Variants in TENM3 observed in about 807,000 individuals in gnomAD.
The protein encoded by TENM3 is teneurin-3.
In TENM3, 63 loss-of-function variants were observed where a neutral mutation model predicts 255.1. That is an observed-to-expected ratio of 0.25 (90% CI 0.20 to 0.30). TENM3 has a LOEUF of 0.30. TENM3 is among the 10% of genes least tolerant of loss of function. TENM3 has a pLI of 1.00. For synonymous variants in TENM3, 1,306 were observed against 1,322.3 expected, an observed-to-expected ratio of 0.99 and a Z score of 0.27; for missense variants, 2,929 against 3,461.1, an observed-to-expected ratio of 0.85 and a Z score of 3.86.
the TENM3 span, among the ~76,000 whole-genome samples, chr4:181,657,203 GA>G: frequency 6.6e-6 from 1 of 152,122 alleles, no homozygotes. Flanking sequence ...GTTGCACCAG[GA>G]AAAAATAATT....
chr4:182,547,301 A>G lies in TENM3; in HGVS notation c.512-53623A>G, dbSNP rs144332295. ...TGTTTTATAGATTTATTTCTAAACT[A>G]TATTATGGTTACTTTTCTCGTGCTT... On this transcript the variant is annotated intron_variant, in intron 3 of 27. Coordinates refer to ENST00000511685, the MANE Select transcript of TENM3 (RefSeq NM_001080477.4). Among the ~76,000 whole-genome samples the G allele has an allele frequency of 5.3e-3, 806 of 152,274 alleles. 11 individuals are homozygous for G. The highest frequency in any genetic ancestry group is 0.019 in the African/African-American group (769 of 41,544).
chr4:182,523,305 T>C (rs888070425), intron 3 of TENM3, among the ~76,000 whole-genome samples: 2 of 152,170 alleles, frequency 1.3e-5, no homozygotes, highest in South Asian at 2.1e-4. Context: ...GAGAATGCTG[T>C]TGCCACCAAG....
chr4:181,905,816 A>T, the TENM3 span: 1 of 377,558 alleles, frequency 2.6e-6, no homozygotes, highest in Non-Finnish European at 5.0e-6. Context: ...GGTCATCATC[A>T]GTCTATTCTT....
the TENM3 span, among the ~76,000 whole-genome samples, chr4:182,101,854 T>C: frequency 6.6e-6 from 1 of 152,234 alleles, no homozygotes; most frequent in East Asian, 1.9e-4. Context: ...TTCCACAATG[T>C]ATTCATATAT....
At chr4:182,796,089 G>A (rs962411486) in intron 26 of TENM3, among the ~76,000 whole-genome samples, 1 of 152,196 alleles carries the variant, frequency 6.6e-6, no homozygotes, top group Non-Finnish European at 1.5e-5. Flanking sequence ...CAGGACTTCT[G>A]GGCCCTTGGC....
At chr4:182,419,207 T>C (rs1561427227) in intron 3 of TENM3, among the ~76,000 whole-genome samples, 1 of 152,172 alleles carries the variant, frequency 6.6e-6, no homozygotes, top group Non-Finnish European at 1.5e-5. Flanking sequence ...GTAAAAGAAA[T>C]ACTGTTATTT....
chr4:181,842,718 T>G, the TENM3 span, among the ~76,000 whole-genome samples: 1 of 152,184 alleles, frequency 6.6e-6, no homozygotes, highest in Non-Finnish European at 1.5e-5. Flanking sequence ...ATCATGGTAT[T>G]AAGTATGCTT....
intron 22 of TENM3, among the ~76,000 whole-genome samples, chr4:182,768,671 C>T (rs540969772): frequency 2.0e-4 from 30 of 152,200 alleles, no homozygotes; most frequent in Non-Finnish European, 3.4e-4. Context: ...AGGCATTTGT[C>T]GATAATCCCA....
the TENM3 span, among the ~76,000 whole-genome samples, chr4:181,899,583 T>C: frequency 7.4e-3 from 1,124 of 152,228 alleles, 8 homozygotes; most frequent in African/African-American, 0.025. Context: ...TTGGGGTTTT[T>C]TTTGAGACAG....
At chr4:182,715,738 C>G (rs1055646565) in intron 13 of TENM3, among the ~76,000 whole-genome samples, 3 of 152,120 alleles carry the variant, frequency 2.0e-5, no homozygotes, top group Non-Finnish European at 4.4e-5. Flanking sequence ...ACCTCCCTTC[C>G]AACCCAAAAC....
the TENM3 span, among the ~76,000 whole-genome samples, chr4:181,723,428 C>T: frequency 1.1e-4 from 16 of 151,580 alleles, no homozygotes; most frequent in South Asian, 8.4e-4. Context: ...GCACATTTCC[C>T]AGTAGCTTAA....
At chr4:182,343,391 G>T (rs57151379) in intron 2 of TENM3, among the ~76,000 whole-genome samples, 1 of 152,148 alleles carries the variant, frequency 6.6e-6, no homozygotes, top group East Asian at 1.9e-4. Context: ...TATAAAGACC[G>T]TAAAAGGCAA....
At chr4:181,628,021 T>G in the TENM3 span, among the ~76,000 whole-genome samples, 1 of 152,192 alleles carries the variant, frequency 6.6e-6, no homozygotes, top group Admixed American at 6.5e-5. Context: ...TTTTTAATGA[T>G]CACCATACTA....
the TENM3 span, among the ~76,000 whole-genome samples, chr4:181,947,953 A>G: frequency 2.0e-5 from 3 of 152,166 alleles, no homozygotes; most frequent in Non-Finnish European, 4.4e-5. Context: ...TATTTCTAGT[A>G]TATCACACTT....
the TENM3 span, among the ~76,000 whole-genome samples, chr4:181,650,406 G>C: frequency 1.3e-5 from 2 of 152,072 alleles, no homozygotes; most frequent in Admixed American, 6.6e-5. Context: ...CTGCTACATG[G>C]GGGTCATGTA....
chr4:182,231,415 G>A (rs767196700), intron 1 of TENM3, among the ~76,000 whole-genome samples: 2 of 152,168 alleles, frequency 1.3e-5, no homozygotes, highest in Non-Finnish European at 2.9e-5. Flanking sequence ...GCCTCTTCTA[G>A]CATGCATAAT....
intron 3 of TENM3, among the ~76,000 whole-genome samples, chr4:182,434,333 A>G (rs1771887719): frequency 6.6e-6 from 1 of 152,128 alleles, no homozygotes; most frequent in Non-Finnish European, 1.5e-5. Context: ...TGCATGTAGA[A>G]CTTTATAGTT....
At chr4:181,936,322 G>A in the TENM3 span, among the ~76,000 whole-genome samples, 1 of 152,152 alleles carries the variant, frequency 6.6e-6, no homozygotes, top group Non-Finnish European at 1.5e-5. Context: ...TTGAACTTGG[G>A]AGGCAGAGGT....
intron 18 of TENM3, among the ~76,000 whole-genome samples, chr4:182,739,887 T>G (rs559318723): frequency 7.9e-5 from 12 of 152,048 alleles, no homozygotes; most frequent in Non-Finnish European, 1.6e-4. Context: ...TACACAAAAA[T>G]TAGCCATGTG....
Sources: gnomAD v4.1 joint callset for allele counts (sites outside exome capture counted in the v4.1 genomes callset) on GRCh38, gnomAD v4.1.1 for gene constraint, MANE v1.5 for transcripts, NCBI Gene and HGNC (gene_info 2026-07-23, HGNC 2026-07-21) for gene names.